KRT34: variants seen among roughly 807,000 people sequenced by gnomAD.
KRT34 encodes keratin, type I cuticular Ha4.
KRT34 carries 31 observed loss-of-function variants against 41.7 expected under a neutral mutation model. That is an observed-to-expected ratio of 0.74 (90% CI 0.56 to 1.00). The LOEUF (loss-of-function observed/expected upper bound fraction) is 1.00. KRT34 is among the 50% of genes least tolerant of loss of function. The probability of loss-of-function intolerance (pLI) is 0.00; values close to 1 mark genes in which losing one functional copy is unlikely to be tolerated. For missense variants in KRT34, 523 were observed against 500.3 expected (o/e 1.05, Z -0.43); for synonymous variants, 224 against 212.9 (o/e 1.05, Z -0.45).
At position 41,382,082 on chromosome 17, in the gene KRT34, G is replaced by C. The variant is rs758708346; in HGVS notation, c.165C>G (p.Ser55Arg). 5 of 1,613,022 alleles carry C rather than the reference G, an allele frequency of 3.1e-6. No individual in the cohort carries two copies. Among genetic ancestry groups the C allele is most frequent in the Admixed American group, 1.7e-5 (1 of 60,036 alleles). Residue 55 changes from serine (S) to arginine (R), a missense_variant, in exon 1 of 7, where the codon AGC becomes AGG. Transcript: ENST00000394001. The stretch of plus-strand genomic sequence containing the variant: ...TCAGGAACTGCATAGTCTCCTTCTC[G>C]CTGCCATTGAAGGAGCCCTCACAGA... ...NWFCEGSFNG[S>R]EKETMQFLND...
Position 41,377,985 on chromosome 17 carries a change from G to T in KRT34, c.*74C>A. On this transcript the variant is annotated 3_prime_UTR_variant, in exon 7 of 7. Transcript: ENST00000394001. ...TTGATGTCAGCTGAGCTCCAGAAAA[G>T]TCAGGACTTGAGGATCCTTCCTGTG... is the stretch of plus-strand genomic sequence containing the variant. The T allele has an allele frequency of 9.0e-7, 1 of 1,105,906 alleles. No individual in the cohort carries two copies. The highest frequency in any genetic ancestry group is 1.4e-6 in the Non-Finnish European group (1 of 727,586). 68.5% of individuals were successfully genotyped at this position (1,105,906 alleles called of 1,614,324 possible). A position where few individuals can be genotyped will look rare whatever the true frequency, so the allele number is the denominator to read the frequency against.
intron 6 of KRT34, 145 bp downstream of exon 6, chr17:41,378,811 C>A: frequency 3.3e-6 from 4 of 1,214,808 alleles, no homozygotes; most frequent in Non-Finnish European, 4.7e-6. Flanking sequence ...TTTGGCCTCC[C>A]TTTGCTTAGC....
chr17:41,379,848 C>A (rs894913260), intron 3 of KRT34, 117 bp from the exon 4 acceptor site: 5 of 1,058,146 alleles, frequency 4.7e-6, no homozygotes, highest in African/African-American at 1.6e-5. Flanking sequence ...TGATCATTCC[C>A]AAAGAGTGAC....
chr17:41,383,272 C>T (rs1419315981), upstream of KRT34, among the ~76,000 whole-genome samples: 1 of 152,174 alleles, frequency 6.6e-6, no homozygotes, highest in Non-Finnish European at 1.5e-5. Flanking sequence ...CCGCCTCGGC[C>T]TCCCAAAGTG....
At chr17:41,380,016 T>G (rs144225787) in intron 3 of KRT34, among the ~76,000 whole-genome samples, 7 of 152,258 alleles carry the variant, frequency 4.6e-5, no homozygotes, top group African/African-American at 1.7e-4. Context: ...ATCCCAGCAC[T>G]TTGGGAGGCA....
chr17:41,382,510 G>A, upstream of KRT34: 1 of 731,648 alleles, frequency 1.4e-6, no homozygotes. Flanking sequence ...GCTAGTGGTT[G>A]GTGAAATCAG....
At chr17:41,379,818 A>C (rs764244872) in intron 3 of KRT34, 87 bp from the exon 4 acceptor site, 3 of 1,342,020 alleles carry the variant, frequency 2.2e-6, no homozygotes, top group Non-Finnish European at 2.0e-6. Context: ...ACTGCCCAAA[A>C]AGCACTAAAA....
At position 41,382,094 on chromosome 17, in the gene KRT34, G is replaced by A. The variant is rs2018000934; in HGVS notation, c.153C>T (p.Ser51=). Residue 51 remains serine, a synonymous_variant, in exon 1 of 7, where the codon TCC becomes TCT. Transcript: ENST00000394001. ...TAGTCTCCTTCTCGCTGCCATTGAA[G>A]GAGCCCTCACAGAACCAGTTGCAGT... ...VSNCNWFCEG[S]FNGSEKETMQ... 1.9e-6 allele frequency: 3 copies of A among 1,612,790 alleles called. No homozygotes were observed. In the Admixed American group the frequency reaches 5.0e-5, roughly 27 times the overall value.
At position 41,377,766 on chromosome 17, in the gene KRT34, G is replaced by C; in HGVS notation, c.*293C>G. 1 of 377,290 alleles carries C rather than the reference G, an allele frequency of 2.7e-6. No individual in the cohort carries two copies. Among genetic ancestry groups the C allele is most frequent in the South Asian group, 9.5e-5 (1 of 10,492 alleles). The allele number at this position is 377,290 out of a possible 1,614,324, so 23.4% of individuals were successfully genotyped here. On this transcript the variant is annotated 3_prime_UTR_variant, in exon 7 of 7. Transcript: ENST00000394001. ...AAAAAGGAAAACAGGAAATGCAGTA[G>C]TACGTTCAGGAAACACCTTAAGTAG...
intron 3 of KRT34, among the ~76,000 whole-genome samples, chr17:41,380,507 G>T (rs2017957828): frequency 6.6e-6 from 1 of 152,134 alleles, no homozygotes; most frequent in Non-Finnish European, 1.5e-5. Context: ...ACCCTGCCCT[G>T]CCACTTCTGT....
Position 41,378,076 on chromosome 17 carries a change from T to C in KRT34, c.1168A>G (p.Lys390Glu). Reference sequence around the variant, plus strand: ...CAAGCTTTTCAATTACAGCAACCCTTTTGAGAGGTGCCACAGGGTCCACAG... The same window carrying C: ...CAAGCTTTTCAATTACAGCAACCCTCTTGAGAGGTGCCACAGGGTCCACAG... ...NSCGPCGTSQKGCCN is the reference protein window; with the variant it reads ...NSCGPCGTSQEGCCN The change falls in exon 7 of 7, where the codon AAG becomes GAG. Residue 390 changes from lysine to glutamate, a missense_variant. By Grantham distance (56) the Lys-to-Glu change is moderately conservative. Coordinates refer to ENST00000394001, the MANE Select transcript of KRT34 (RefSeq NM_001386014.1). The C allele has an allele frequency of 2.5e-6, 4 of 1,613,224 alleles. No individual in the cohort carries two copies. Among genetic ancestry groups the C allele is most frequent in the Non-Finnish European group, 3.4e-6 (4 of 1,179,228 alleles).
chr17:41,381,839 T>C, intron 1 of KRT34, 44 bp from the exon 2 acceptor site: 1 of 1,613,762 alleles, frequency 6.2e-7, no homozygotes, highest in Non-Finnish European at 8.5e-7. Flanking sequence ...AACTTGAAAA[T>C]GTCTTACTGT....
chr17:41,379,815 A>C lies in KRT34; in HGVS notation c.589-84T>G. Reference sequence around the variant, plus strand: ...CAGGGAAATGAGCACAATACTGCCCAAAAAGCACTAAAAGGAATATTCTGA... The same window carrying C: ...CAGGGAAATGAGCACAATACTGCCCCAAAAGCACTAAAAGGAATATTCTGA... On this transcript the variant is annotated intron_variant, in intron 3 of 6. Transcript: ENST00000394001. 2.2e-6 allele frequency: 3 copies of C among 1,356,980 alleles called. No individual in the cohort carries two copies. The South Asian group carries it at 4.4e-5, about 20-fold the overall frequency. 84.1% of individuals were successfully genotyped at this position (1,356,980 alleles called of 1,614,324 possible). A position where few individuals can be genotyped will look rare whatever the true frequency, so the allele number is the denominator to read the frequency against.
At position 41,381,803 on chromosome 17, in the gene KRT34, G is replaced by T. The variant is rs759287985; in HGVS notation, c.349-8C>A. 15 of 1,614,208 alleles carry T rather than the reference G, an allele frequency of 9.3e-6. No homozygotes were observed. Among genetic ancestry groups the T allele is most frequent in the Non-Finnish European group, 1.3e-5 (15 of 1,180,024 alleles). ...AGCCTTGGCACACAGAATCTGAAAA[G>T]AAATTTCTCTCATGAGGTACACTTG... On this transcript the variant is annotated splice_region_variant and splice_polypyrimidine_tract_variant and intron_variant, in intron 1 of 6. Transcript: ENST00000394001.
At chr17:41,379,824 T>C in intron 3 of KRT34, 93 bp from the exon 4 acceptor site, 1 of 1,300,946 alleles carries the variant, frequency 7.7e-7, no homozygotes, top group Non-Finnish European at 1.1e-6. Context: ...CAAAAAGCAC[T>C]AAAAGGAATA....
chr17:41,382,454 T>C (rs2018015226), upstream of KRT34: 3 of 1,170,100 alleles, frequency 2.6e-6, no homozygotes, highest in East Asian at 2.4e-5. Flanking sequence ...CCTCAACCCA[T>C]AAAATTATTC....
At chr17:41,382,508 T>A, upstream of KRT34, 1 of 750,862 alleles carries the variant, frequency 1.3e-6, no homozygotes, top group Non-Finnish European at 2.1e-6. Flanking sequence ...GTGCTAGTGG[T>A]TGGTGAAATC....
chr17:41,378,171 T>C, intron 6 of KRT34, 25 bp from the exon 7 acceptor site: 1 of 1,545,888 alleles, frequency 6.5e-7, no homozygotes, highest in Non-Finnish European at 8.9e-7. Context: ...AGGTTTAGAA[T>C]GGCTTTAGGA....
In KRT34 at chr17:41,379,707, G is replaced by GC. The variant is rs747146219; in HGVS notation, c.612dup (p.Leu205AlafsTer29). 6.2e-7 allele frequency: 1 copy of GC among 1,611,388 alleles called. No homozygotes were observed. Among genetic ancestry groups the GC allele is most frequent in the African/African-American group, 1.3e-5 (1 of 74,874 alleles). ...ACCTCCACGTTGAGGCGGTCTCCAA[G>GC]CTGGGAGCGCAGGGTGTTAACCTCC... On this transcript the variant is annotated frameshift_variant, in exon 4 of 7. Transcript: ENST00000394001. LOFTEE classifies it high-confidence loss of function.
Sources: gnomAD v4.1 joint callset for allele counts (sites outside exome capture counted in the v4.1 genomes callset) on GRCh38, gnomAD v4.1.1 for gene constraint, MANE v1.5 for transcripts, NCBI Gene and HGNC (gene_info 2026-07-23, HGNC 2026-07-21) for gene names.